Variants in PIBF1 observed in about 807,000 individuals in gnomAD.
The protein encoded by PIBF1 is progesterone immunomodulatory binding factor 1, also known as progesterone-induced-blocking factor 1.
Under a neutral mutation model 112.5 loss-of-function variants are expected in PIBF1, and 90 were observed. The ratio of observed to expected loss-of-function variants is 0.80; its 90% CI spans 0.67 to 0.95. PIBF1 has a LOEUF of 0.95. Among genes scored for constraint, PIBF1 ranks in the 40% least tolerant of loss-of-function variants. The probability of loss-of-function intolerance (pLI) is 0.00; values close to 1 mark genes in which losing one functional copy is unlikely to be tolerated. For missense variants in PIBF1, 915 were observed against 852.3 expected (o/e 1.07, Z -0.92); for synonymous variants, 301 against 288.6 (o/e 1.04, Z -0.44).
chr13:72,895,739 A>T (rs1457938680), intron 11 of PIBF1, among the ~76,000 whole-genome samples: 3 of 152,124 alleles, frequency 2.0e-5, no homozygotes, highest in Non-Finnish European at 4.4e-5. Context: ...CCAGATTGTG[A>T]ATTTTAGCTC....
chr13:72,945,443 A>G (rs928120475), intron 14 of PIBF1, among the ~76,000 whole-genome samples: 3 of 152,188 alleles, frequency 2.0e-5, no homozygotes, highest in Admixed American at 6.5e-5. Context: ...CTGTGTTTCA[A>G]GTTCTTTGAG....
intron 10 of PIBF1, chr13:72,884,484 A>G (rs767034206): frequency 3.3e-5 from 5 of 152,180 alleles, no homozygotes; most frequent in Non-Finnish European, 7.4e-5. Context: ...GACATAAGAA[A>G]AGTGTAGGGA....
At chr13:72,788,104 G>A (rs1038573060) in intron 2 of PIBF1, among the ~76,000 whole-genome samples, 2 of 152,166 alleles carry the variant, frequency 1.3e-5, no homozygotes, top group African/African-American at 4.8e-5. Context: ...ATAGCTCCAT[G>A]ATAATGGTTG....
At chr13:72,900,163 A>T (rs997868267) in intron 11 of PIBF1, among the ~76,000 whole-genome samples, 29 of 152,208 alleles carry the variant, frequency 1.9e-4, no homozygotes, top group Non-Finnish European at 3.2e-4. Flanking sequence ...AATATTATGA[A>T]AATGACCATA....
intron 14 of PIBF1, among the ~76,000 whole-genome samples, chr13:72,948,771 T>C (rs2042216318): frequency 6.6e-6 from 1 of 152,308 alleles, no homozygotes; most frequent in Admixed American, 6.5e-5. Flanking sequence ...AACATGTCTT[T>C]CTTCACATGG....
At chr13:72,948,543 G>A (rs1415454194) in intron 14 of PIBF1, among the ~76,000 whole-genome samples, 1 of 152,176 alleles carries the variant, frequency 6.6e-6, no homozygotes, top group African/African-American at 2.4e-5. Flanking sequence ...ATCTCTGCCT[G>A]TTACTCGGTT....
chr13:72,984,471 T>C (rs1489671255), intron 16 of PIBF1, among the ~76,000 whole-genome samples: 4 of 152,202 alleles, frequency 2.6e-5, no homozygotes, highest in Non-Finnish European at 5.9e-5. Flanking sequence ...TTTCAGTAAA[T>C]AATAAGTGTG....
chr13:73,003,435 T>G (rs2043937104), intron 17 of PIBF1, among the ~76,000 whole-genome samples: 1 of 151,848 alleles, frequency 6.6e-6, no homozygotes, highest in Non-Finnish European at 1.5e-5. Context: ...TGTATTTTTT[T>G]GTAGAGACGG....
intron 16 of PIBF1, among the ~76,000 whole-genome samples, chr13:72,988,614 A>G (rs1283770720): frequency 1.3e-5 from 2 of 152,212 alleles, no homozygotes; most frequent in Non-Finnish European, 2.9e-5. Context: ...AGAGTGTAGA[A>G]TGGATGACTT....
chr13:72,805,543 C>A (rs1208326250), intron 5 of PIBF1, among the ~76,000 whole-genome samples: 1 of 152,136 alleles, frequency 6.6e-6, no homozygotes, highest in Non-Finnish European at 1.5e-5. Flanking sequence ...TTCTTCAACT[C>A]ATACTTATTT....
chr13:72,902,901 C>CTT (rs113529963), intron 11 of PIBF1, among the ~76,000 whole-genome samples: 50 of 143,276 alleles, frequency 3.5e-4, no homozygotes, highest in Admixed American at 1.2e-3. Flanking sequence ...GGAAATAAAT[C>CTT]TTTTTTTTTT....
At chr13:72,808,237 A>G (rs1041324580) in intron 5 of PIBF1, among the ~76,000 whole-genome samples, 2 of 152,030 alleles carry the variant, frequency 1.3e-5, no homozygotes, top group African/African-American at 2.4e-5. Flanking sequence ...TTATTTCTCT[A>G]TTTGTTTACT....
intron 11 of PIBF1, among the ~76,000 whole-genome samples, chr13:72,900,308 A>C (rs1218695986): frequency 6.6e-6 from 1 of 152,218 alleles, no homozygotes. Flanking sequence ...AAGACTAAGC[A>C]AAAAGAACAA....
chr13:72,951,363 A>C (rs1404647063), intron 14 of PIBF1, among the ~76,000 whole-genome samples: 2 of 152,198 alleles, frequency 1.3e-5, no homozygotes, highest in Non-Finnish European at 2.9e-5. Flanking sequence ...AGCTATGTAA[A>C]TTTGGAAAAG....
At chr13:72,787,831 G>A (rs1449418986) in intron 2 of PIBF1, among the ~76,000 whole-genome samples, 2 of 151,916 alleles carry the variant, frequency 1.3e-5, no homozygotes, top group African/African-American at 4.8e-5. Context: ...GCTAAGTTTT[G>A]TATTTTTGGT....
intron 5 of PIBF1, among the ~76,000 whole-genome samples, chr13:72,801,496 A>G (rs2138001496): frequency 6.6e-6 from 1 of 152,336 alleles, no homozygotes; most frequent in South Asian, 2.1e-4. Context: ...GCATGCATAC[A>G]CAGACCTTAC....
intron 5 of PIBF1, among the ~76,000 whole-genome samples, chr13:72,802,012 G>GTTC (rs10691622): frequency 0.78 from 117,878 of 151,930 alleles, 46,047 homozygotes; most frequent in South Asian, 0.85. Flanking sequence ...TTTAAAAAAT[G>GTTC]TTTTCTCTAG....
At chr13:72,946,497 A>G (rs941995989) in intron 14 of PIBF1, among the ~76,000 whole-genome samples, 4 of 152,180 alleles carry the variant, frequency 2.6e-5, no homozygotes, top group Admixed American at 6.5e-5. Flanking sequence ...ATGCCTTTCC[A>G]ACAGTTCCCC....
chr13:72,887,787 A>G (rs571800842), intron 10 of PIBF1, among the ~76,000 whole-genome samples: 9 of 152,080 alleles, frequency 5.9e-5, no homozygotes, highest in Non-Finnish European at 1.3e-4. Context: ...TTCAGGATGT[A>G]CACTTCCTTT....
Sources: gnomAD v4.1 joint callset for allele counts (sites outside exome capture counted in the v4.1 genomes callset) on GRCh38, gnomAD v4.1.1 for gene constraint, MANE v1.5 for transcripts, NCBI Gene and HGNC (gene_info 2026-07-23, HGNC 2026-07-21) for gene names.